The following GRAMD2B variants were observed in gnomAD, a reference collection of about 807,000 sequenced individuals.
The protein encoded by GRAMD2B is GRAM domain containing 2B.
A neutral mutation model predicts 59.2 loss-of-function variants in GRAMD2B; 41 were observed. That is an observed-to-expected ratio of 0.69 (90% confidence interval 0.54 to 0.90). The LOEUF (loss-of-function observed/expected upper bound fraction) is 0.90, where lower values mean the gene tolerates loss of function less well. GRAMD2B is among the 40% of genes least tolerant of loss of function. The pLI is 0.00. For synonymous variants in GRAMD2B, 161 were observed against 182.7 expected (o/e 0.88, Z 0.96); for missense variants, 424 against 500.5 (o/e 0.85, Z 1.46).
At chr5:126,489,673 G>T (rs568381358) in intron 13 of GRAMD2B, among the ~76,000 whole-genome samples, 3 of 152,242 alleles carry the variant, frequency 2.0e-5, no homozygotes, top group Admixed American at 6.5e-5. Context: ...GCAGGAGGGT[G>T]AGCTGGAGAA....
intron 1 of GRAMD2B, among the ~76,000 whole-genome samples, chr5:126,380,135 A>G (rs1449991924): frequency 6.6e-6 from 1 of 152,096 alleles, no homozygotes; most frequent in Middle Eastern, 3.2e-3. Context: ...TGGCTTACCA[A>G]TTATCCCAGC....
intron 1 of GRAMD2B, among the ~76,000 whole-genome samples, chr5:126,440,294 A>G (rs866934444): frequency 4.6e-5 from 7 of 152,216 alleles, no homozygotes; most frequent in South Asian, 2.1e-4. Flanking sequence ...TTAAATGTAT[A>G]AGGTCACTGC....
chr5:126,396,990 C>T (rs564422700), intron 1 of GRAMD2B, among the ~76,000 whole-genome samples: 3 of 151,924 alleles, frequency 2.0e-5, no homozygotes, highest in Non-Finnish European at 4.4e-5. Flanking sequence ...AAAAGTGTCA[C>T]TTCATGTCCT....
chr5:126,371,020 G>C (rs1474810141), upstream of GRAMD2B, among the ~76,000 whole-genome samples: 1 of 152,200 alleles, frequency 6.6e-6, no homozygotes, highest in Non-Finnish European at 1.5e-5. Context: ...CATCCACATT[G>C]CTCACCCTGT....
rs910299373 is a variant in GRAMD2B, at chr5:126,465,687, T to C, written c.203+142T>C. Reference sequence around the variant, plus strand: ...ACTCCTGAGAAAGAATGAGCATTTTTCCCTGATACCCAGGTAGCATCTTTT... The same window carrying C: ...ACTCCTGAGAAAGAATGAGCATTTTCCCCTGATACCCAGGTAGCATCTTTT... On this transcript the variant is annotated intron_variant, in intron 2 of 13. Coordinates refer to ENST00000285689, the MANE Select transcript of GRAMD2B (RefSeq NM_023927.4). 6 of 736,700 alleles carry C rather than the reference T, an allele frequency of 8.1e-6. No homozygotes were observed. In the African/African-American group the frequency reaches 1.1e-4, roughly 13 times the overall value. The allele number at this position is 736,700 out of a possible 1,614,324, so 45.6% of individuals were successfully genotyped here. A position where few individuals can be genotyped will look rare whatever the true frequency, so the allele number is the denominator to read the frequency against.
Position 126,423,510 on chromosome 5 carries a change from G to T in GRAMD2B, c.-97G>T. 9.8e-6 allele frequency: 15 copies of T among 1,537,062 alleles called. No individual in the cohort carries two copies. Among genetic ancestry groups the T allele is most frequent in the Non-Finnish European group, 1.2e-5 (14 of 1,144,272 alleles). On this transcript the variant is annotated 5_prime_UTR_variant, in exon 1 of 14. Coordinates refer to ENST00000285689, the MANE Select transcript of GRAMD2B (RefSeq NM_023927.4). ...AGGGTGCAGGGGAGGGCACGGCGCCGCTTGCTTGGCCTGCGCACCCGGACC... is the reference window on the plus strand; with the variant it reads ...AGGGTGCAGGGGAGGGCACGGCGCCTCTTGCTTGGCCTGCGCACCCGGACC...
At chr5:126,410,440 T>A (rs916694159) in intron 1 of GRAMD2B, among the ~76,000 whole-genome samples, 35 of 151,912 alleles carry the variant, frequency 2.3e-4, no homozygotes, top group African/African-American at 8.2e-4. Flanking sequence ...TATTTTATTC[T>A]CTTTGAAGCA....
At chr5:126,373,033 T>C (rs757727445) in intron 1 of GRAMD2B, among the ~76,000 whole-genome samples, 3 of 152,164 alleles carry the variant, frequency 2.0e-5, no homozygotes, top group African/African-American at 7.2e-5. Flanking sequence ...AAAACCCACA[T>C]CAACTTAAAT....
intron 1 of GRAMD2B, among the ~76,000 whole-genome samples, chr5:126,393,127 C>G (rs1204083168): frequency 6.6e-6 from 1 of 151,642 alleles, no homozygotes; most frequent in Non-Finnish European, 1.5e-5. Flanking sequence ...TCCCTTTTTT[C>G]TCCCCTTCCT....
chr5:126,492,456 C>G (rs1009602088), intron 13 of GRAMD2B, among the ~76,000 whole-genome samples: 1 of 151,692 alleles, frequency 6.6e-6, no homozygotes, highest in Non-Finnish European at 1.5e-5. Flanking sequence ...CATGGTGGCT[C>G]ACACCTGTAA....
chr5:126,483,567 C>G lies in GRAMD2B; in HGVS notation c.840C>G (p.Asn280Lys). The G allele has an allele frequency of 6.3e-7, 1 of 1,592,196 alleles. No individual in the cohort carries two copies. The highest frequency in any genetic ancestry group is 1.1e-5 in the South Asian group (1 of 90,328). The change falls in exon 9 of 14, where the codon AAC becomes AAG. Residue 280 changes from asparagine to lysine, a missense_variant. Asn to Lys is a moderately conservative substitution (Grantham distance 94, BLOSUM62 0). Coordinates refer to ENST00000285689, the MANE Select transcript of GRAMD2B (RefSeq NM_023927.4). ...GTTCTCAAACTCCTGAATCTGAGAA[C>G]TCTCGAGGTTTGGGAAATTGTTGTA... ...SSGSQTPESE[N>K]SRDFHATESQ...
chr5:126,466,382 C>A, intron 2 of GRAMD2B: 1 of 806,276 alleles, frequency 1.2e-6, no homozygotes, highest in Non-Finnish European at 2.1e-6. Flanking sequence ...GACTCTAATT[C>A]CCAATTATCT....
At chr5:126,418,577 C>G (rs955825751), upstream of GRAMD2B, among the ~76,000 whole-genome samples, 1 of 152,148 alleles carries the variant, frequency 6.6e-6, no homozygotes, top group Non-Finnish European at 1.5e-5. Flanking sequence ...GAAATATTGG[C>G]TTAAAACTAC....
exon 1 of GRAMD2B, chr5:126,371,420 ACTTGCGGGTCAATAAGCGCAC>A: frequency 7.8e-7 from 1 of 1,275,402 alleles, no homozygotes; most frequent in Non-Finnish European, 1.0e-6. Context: ...TTGTTCCTTG[ACTTGCGGGTCAATAAGCGCAC>A]AATGGTGAAG....
At chr5:126,383,743 T>C (rs1390150983) in intron 1 of GRAMD2B, among the ~76,000 whole-genome samples, 1 of 152,230 alleles carries the variant, frequency 6.6e-6, no homozygotes, top group East Asian at 1.9e-4. Context: ...TCACCCAGCT[T>C]GGCTTCAAAT....
At chr5:126,416,074 C>G (rs537068757) in intron 1 of GRAMD2B, among the ~76,000 whole-genome samples, 1 of 152,292 alleles carries the variant, frequency 6.6e-6, no homozygotes, top group African/African-American at 2.4e-5. Flanking sequence ...GTTCCCAAAA[C>G]AAGGAAAGGA....
chr5:126,440,591 CT>C (rs969665319), intron 1 of GRAMD2B, among the ~76,000 whole-genome samples: 26 of 151,806 alleles, frequency 1.7e-4, no homozygotes, highest in African/African-American at 5.6e-4. Flanking sequence ...AAATAAGCCC[CT>C]GATCAATCAA....
In GRAMD2B at chr5:126,477,730, A is replaced by G. The variant is rs115817110; in HGVS notation, c.525A>G (p.Lys175=). ...IPAFSVTLIK[K]TKTALLVPNA... ...CTTTCTCGGTAACCCTAATAAAGAA[A>G]ACCAAAACTGCTCTTCTAGTGCCAA... Residue 175 remains lysine (K), a synonymous_variant, in exon 6 of 14, where the codon AAA becomes AAG. Transcript: ENST00000285689. 2,334 of 1,612,688 alleles carry G rather than the reference A, an allele frequency of 1.4e-3. 31 individuals carry two copies. In the African/African-American group the frequency reaches 0.027, roughly 19 times the overall value.
intron 5 of GRAMD2B, 106 bp from the exon 6 acceptor site, chr5:126,477,586 G>A (rs923774083): frequency 1.3e-6 from 1 of 762,436 alleles, no homozygotes; most frequent in East Asian, 2.4e-5. Context: ...CTTGCTGCTG[G>A]TTTTGATTTC....
Sources: allele counts gnomAD v4.1 joint callset (sites outside exome capture counted in the v4.1 genomes callset), GRCh38; gene constraint gnomAD v4.1.1; transcripts MANE v1.5; gene names NCBI Gene and HGNC (gene_info 2026-07-23, HGNC 2026-07-21).